Variants in BLTP3B observed in about 807,000 individuals in gnomAD.
BLTP3B encodes the protein UHRF1 (ICBP90) binding protein 1-like.
At chr12:100,102,108 C>T in the BLTP3B span, among the ~76,000 whole-genome samples, 1 of 146,130 alleles carries the variant, frequency 6.8e-6, no homozygotes, top group Non-Finnish European at 1.5e-5. Context: ...CCCAACTTAA[C>T]TCTTTTTTTT....
At chr12:100,069,805 TA>T in the BLTP3B span, 1 of 368,428 alleles carries the variant, frequency 2.7e-6, no homozygotes, top group Non-Finnish European at 3.8e-6. Flanking sequence ...AAATCACCAC[TA>T]AACAACTTAC....
the BLTP3B span, chr12:100,059,054 C>A: frequency 3.7e-6 from 6 of 1,613,874 alleles, no homozygotes; most frequent in Middle Eastern, 1.6e-4. Context: ...TACAAGTCTG[C>A]GGCTCTTTTT....
At chr12:100,087,607 A>T in the BLTP3B span, among the ~76,000 whole-genome samples, 1 of 152,262 alleles carries the variant, frequency 6.6e-6, no homozygotes, top group Non-Finnish European at 1.5e-5. Context: ...GGAAGCAGGC[A>T]AAGAATAAAA....
At chr12:100,069,957 T>C in the BLTP3B span, 6 of 1,189,354 alleles carry the variant, frequency 5.0e-6, no homozygotes, top group Non-Finnish European at 5.2e-6. Flanking sequence ...TATGGGGGCA[T>C]GGCTGGAATA....
chr12:100,092,911 CCCTTAAATCTACTTCCTTCTG>C, the BLTP3B span: 1 of 985,166 alleles, frequency 1.0e-6, no homozygotes, highest in Non-Finnish European at 1.2e-6. Flanking sequence ...ACCCTCACCT[CCCTTAAATCTACTTCCTTCTG>C]CCTTCCCTTA....
the BLTP3B span, among the ~76,000 whole-genome samples, chr12:100,125,335 C>CA: frequency 0.32 from 23,473 of 73,868 alleles, 4,076 homozygotes; most frequent in African/African-American, 0.53. Flanking sequence ...GTTTCCATCT[C>CA]AAAAAAAAAA....
At chr12:100,074,399 G>A in the BLTP3B span, among the ~76,000 whole-genome samples, 1 of 152,150 alleles carries the variant, frequency 6.6e-6, no homozygotes, top group Admixed American at 6.5e-5. Context: ...AGGAGCTCGA[G>A]ACCAGCGTGG....
At chr12:100,118,404 C>T in the BLTP3B span, among the ~76,000 whole-genome samples, 2 of 151,662 alleles carry the variant, frequency 1.3e-5, no homozygotes. Flanking sequence ...CAAAACAAAA[C>T]AAAACAAAAC....
At chr12:100,064,271 C>G in the BLTP3B span, among the ~76,000 whole-genome samples, 1 of 152,074 alleles carries the variant, frequency 6.6e-6, no homozygotes, top group Non-Finnish European at 1.5e-5. Flanking sequence ...AACAAAGCCT[C>G]CAAGAAGTCT....
At chr12:100,059,922 A>C in the BLTP3B span, 2 of 1,611,316 alleles carry the variant, frequency 1.2e-6, no homozygotes, top group Admixed American at 3.4e-5. Context: ...ACTTGTACAC[A>C]GCCATGAACT....
the BLTP3B span, among the ~76,000 whole-genome samples, chr12:100,121,074 A>C: frequency 5.3e-5 from 8 of 152,320 alleles, no homozygotes; most frequent in South Asian, 1.7e-3. Context: ...TAGGCCGGGC[A>C]CAGTGGCACA....
chr12:100,115,148 G>A, the BLTP3B span, among the ~76,000 whole-genome samples: 4 of 152,350 alleles, frequency 2.6e-5, no homozygotes, highest in African/African-American at 9.6e-5. Context: ...GCTCACGCCT[G>A]TAATCTCAGC....
chr12:100,076,967 G>T, the BLTP3B span, among the ~76,000 whole-genome samples: 1 of 151,890 alleles, frequency 6.6e-6, no homozygotes, highest in Non-Finnish European at 1.5e-5. Flanking sequence ...ATATATGTGG[G>T]GTTTCTTACT....
At chr12:100,105,673 A>C in the BLTP3B span, among the ~76,000 whole-genome samples, 83 of 152,300 alleles carry the variant, frequency 5.4e-4, no homozygotes, top group African/African-American at 1.9e-3. Context: ...AATGCAACAA[A>C]AATAAATGAG....
the BLTP3B span, among the ~76,000 whole-genome samples, chr12:100,106,170 A>G: frequency 6.6e-6 from 1 of 152,172 alleles, no homozygotes; most frequent in Non-Finnish European, 1.5e-5. Flanking sequence ...AACTAAAAGT[A>G]GATCTACCAT....
chr12:100,104,009 A>G, the BLTP3B span: 1 of 1,329,224 alleles, frequency 7.5e-7, no homozygotes. Flanking sequence ...TAATGTAAAC[A>G]GTAATCAATA....
At chr12:100,059,996 C>T in the BLTP3B span, 2 of 1,612,104 alleles carry the variant, frequency 1.2e-6, no homozygotes, top group South Asian at 1.1e-5. Flanking sequence ...CTTTCATCCA[C>T]AGTAAACTGT....
the BLTP3B span, among the ~76,000 whole-genome samples, chr12:100,087,509 T>C: frequency 6.6e-6 from 1 of 152,166 alleles, no homozygotes; most frequent in African/African-American, 2.4e-5. Context: ...ATACGGTATA[T>C]ACAGGATATA....
chr12:100,113,185 T>C, the BLTP3B span, among the ~76,000 whole-genome samples: 1 of 149,534 alleles, frequency 6.7e-6, no homozygotes, highest in Non-Finnish European at 1.5e-5. Flanking sequence ...ACAAAAAGAA[T>C]CTCATCTCGG....
Sources: allele counts gnomAD v4.1 joint callset (sites outside exome capture counted in the v4.1 genomes callset), GRCh38; gene constraint gnomAD v4.1.1; transcripts MANE v1.5; gene names NCBI Gene and HGNC (gene_info 2026-07-23, HGNC 2026-07-21).